The following CNTNAP2 variants were observed in gnomAD, a reference collection of about 807,000 sequenced individuals.
CNTNAP2 encodes contactin associated protein 2.
Under a neutral mutation model 155.2 loss-of-function variants are expected in CNTNAP2, and 98 were observed. The ratio of observed to expected loss-of-function variants is 0.63; its 90% CI spans 0.54 to 0.75. The LOEUF (loss-of-function observed/expected upper bound fraction) is 0.75, where lower values mean the gene tolerates loss of function less well. CNTNAP2 is among the 30% of genes least tolerant of loss of function. The pLI is 0.00. For synonymous variants in CNTNAP2, 651 were observed against 631.2 expected (o/e 1.03, Z -0.47); for missense variants, 1,727 against 1,688.1 (o/e 1.02, Z -0.40).
chr7:146,660,956 A>C (rs1480559237), intron 1 of CNTNAP2, among the ~76,000 whole-genome samples: 4 of 152,190 alleles, frequency 2.6e-5, no homozygotes, highest in Non-Finnish European at 1.5e-5. Flanking sequence ...TAAGTGGTTG[A>C]AGTGCAGAGA....
At chr7:147,407,352 C>T (rs770991017) in intron 10 of CNTNAP2, among the ~76,000 whole-genome samples, 9 of 151,386 alleles carry the variant, frequency 5.9e-5, no homozygotes, top group Non-Finnish European at 7.4e-5. Flanking sequence ...CCTGTAGTCC[C>T]AGCTACTCGG....
chr7:147,810,185 A>T (rs1265368988), intron 13 of CNTNAP2, among the ~76,000 whole-genome samples: 1 of 151,216 alleles, frequency 6.6e-6, no homozygotes. Context: ...ATTTTTAAAA[A>T]CCTTCAACTA....
At chr7:146,169,050 T>C (rs1226535364) in intron 1 of CNTNAP2, among the ~76,000 whole-genome samples, 5 of 152,192 alleles carry the variant, frequency 3.3e-5, no homozygotes, top group African/African-American at 1.2e-4. Context: ...GGCTGTTTCA[T>C]CTTCCAAATA....
rs1260100878 is a variant in CNTNAP2, at chr7:146,907,020, G to A, written c.402+67116G>A. Reference sequence around the variant, plus strand: ...CGTGAAGAATGCAGAAGCCTCAGGAGCCGATGCGATCAACCGGAAGAAAGG... The same window carrying A: ...CGTGAAGAATGCAGAAGCCTCAGGAACCGATGCGATCAACCGGAAGAAAGG... On this transcript the variant is annotated intron_variant, in intron 3 of 23. Transcript: ENST00000361727. Among the ~76,000 whole-genome samples the A allele has an allele frequency of 2.0e-5, 3 of 150,660 alleles. No homozygotes were observed. In the South Asian group the frequency reaches 6.4e-4, roughly 32 times the overall value.
chr7:146,354,487 T>G (rs1794969470), intron 1 of CNTNAP2, among the ~76,000 whole-genome samples: 1 of 151,226 alleles, frequency 6.6e-6, no homozygotes, highest in Non-Finnish European at 1.5e-5. Flanking sequence ...CAATGTCAGT[T>G]CACTGCAGTC....
At chr7:146,553,714 G>A (rs1173335820) in intron 1 of CNTNAP2, among the ~76,000 whole-genome samples, 1 of 151,950 alleles carries the variant, frequency 6.6e-6, no homozygotes, top group East Asian at 1.9e-4. Flanking sequence ...ATTTTTAAAA[G>A]TTGCTATATC....
At chr7:148,028,499 C>A (rs890250394) in intron 15 of CNTNAP2, among the ~76,000 whole-genome samples, 2 of 152,274 alleles carry the variant, frequency 1.3e-5, no homozygotes, top group Non-Finnish European at 1.5e-5. Flanking sequence ...TCACTTGAGT[C>A]CGGGAGGTCA....
intron 3 of CNTNAP2, among the ~76,000 whole-genome samples, chr7:146,964,415 C>G (rs1797616353): frequency 1.3e-5 from 2 of 152,258 alleles, no homozygotes; most frequent in Admixed American, 6.5e-5. Context: ...TAATAGAAGA[C>G]AGTAAAGTCC....
chr7:146,183,685 G>A (rs1402001500), intron 1 of CNTNAP2, among the ~76,000 whole-genome samples: 1 of 151,872 alleles, frequency 6.6e-6, no homozygotes, highest in Non-Finnish European at 1.5e-5. Context: ...TGCCATCAGA[G>A]TGCACAAAGT....
intron 3 of CNTNAP2, among the ~76,000 whole-genome samples, chr7:146,861,595 C>T (rs1795102170): frequency 1.3e-5 from 2 of 152,092 alleles, no homozygotes; most frequent in African/African-American, 4.8e-5. Context: ...GAATCCATCT[C>T]TTAGCAGGGG....
chr7:148,007,555 G>A (rs1272532310), intron 15 of CNTNAP2, among the ~76,000 whole-genome samples: 1 of 151,454 alleles, frequency 6.6e-6, no homozygotes, highest in Non-Finnish European at 1.5e-5. Flanking sequence ...GGCTGGCTTT[G>A]GAATCACTAA....
chr7:146,426,129 C>G (rs916323420), intron 1 of CNTNAP2, among the ~76,000 whole-genome samples: 1 of 131,452 alleles, frequency 7.6e-6, no homozygotes, highest in African/African-American at 2.8e-5. Flanking sequence ...GAGGCTGCAG[C>G]GAGCCAAGAT....
chr7:146,666,582 C>G (rs954059892), intron 1 of CNTNAP2, among the ~76,000 whole-genome samples: 3 of 152,124 alleles, frequency 2.0e-5, no homozygotes, highest in Non-Finnish European at 4.4e-5. Flanking sequence ...ATACTCTTCT[C>G]CACTTTGGCT....
At position 146,266,619 on chromosome 7, in the gene CNTNAP2, G is replaced by A. The variant is rs1177762313; in HGVS notation, c.97+149646G>A. 7.2e-5 allele frequency among the ~76,000 whole-genome samples: 11 copies of A among 152,234 alleles called. No individual in the cohort carries two copies. The East Asian group carries it at 2.1e-3, about 29-fold the overall frequency. ...TAATGTTAAAGAGAAAAAAGAAAAG[G>A]ATTTTAAATTGCTTTCTGCAGCAGA... On this transcript the variant is annotated intron_variant, in intron 1 of 23. Transcript: ENST00000361727.
At chr7:147,906,311 C>T (rs1474440405) in intron 14 of CNTNAP2, among the ~76,000 whole-genome samples, 3 of 152,038 alleles carry the variant, frequency 2.0e-5, no homozygotes, top group Non-Finnish European at 4.4e-5. Flanking sequence ...CCTGCCTCTG[C>T]TGGCACCTGC....
At chr7:147,310,079 G>GAAA (rs1795095218) in intron 9 of CNTNAP2, among the ~76,000 whole-genome samples, 4 of 152,084 alleles carry the variant, frequency 2.6e-5, no homozygotes, top group African/African-American at 9.7e-5. Flanking sequence ...CTTGGAGATT[G>GAAA]GAAAGTATTT....
intron 13 of CNTNAP2, among the ~76,000 whole-genome samples, chr7:147,654,396 C>A (rs578254740): frequency 4.3e-4 from 65 of 152,192 alleles, no homozygotes; most frequent in Non-Finnish European, 6.5e-4. Flanking sequence ...AATGATTTGT[C>A]TCCTCCTTCT....
chr7:148,214,548 G>T (rs560567633), intron 18 of CNTNAP2, among the ~76,000 whole-genome samples: 5 of 152,238 alleles, frequency 3.3e-5, no homozygotes, highest in Admixed American at 3.3e-4. Context: ...GGCATGTGGA[G>T]CAGGAGAATT....
At chr7:148,354,876 C>T (rs375491989) in intron 21 of CNTNAP2, among the ~76,000 whole-genome samples, 1 of 152,082 alleles carries the variant, frequency 6.6e-6, no homozygotes, top group Non-Finnish European at 1.5e-5. Context: ...ACCCTGGGCT[C>T]GTGGCGGGAC....
Sources: allele counts gnomAD v4.1 joint callset (sites outside exome capture counted in the v4.1 genomes callset), GRCh38; gene constraint gnomAD v4.1.1; transcripts MANE v1.5; gene names NCBI Gene and HGNC (gene_info 2026-07-23, HGNC 2026-07-21).